TENM2: variants seen among roughly 807,000 people sequenced by gnomAD.
TENM2 encodes teneurin transmembrane protein 2, also known as teneurin-2.
In TENM2, 52 loss-of-function variants were observed where a neutral mutation model predicts 245.2. The ratio of observed to expected loss-of-function variants is 0.21; its 90% CI spans 0.17 to 0.27. The LOEUF (loss-of-function observed/expected upper bound fraction) is 0.27. Among genes scored for constraint, TENM2 ranks in the 10% least tolerant of loss-of-function variants. The pLI is 1.00. For synonymous variants in TENM2, 1,363 were observed against 1,438.9 expected (o/e 0.95, Z 1.19); for missense variants, 3,046 against 3,666.8 (o/e 0.83, Z 4.37).
chr5:168,063,804 G>A (rs1790263381), intron 7 of TENM2, among the ~76,000 whole-genome samples: 1 of 152,058 alleles, frequency 6.6e-6, no homozygotes, highest in African/African-American at 2.4e-5. Context: ...AAACTGATTT[G>A]CAATCCCATC....
the TENM2 span, among the ~76,000 whole-genome samples, chr5:167,226,104 CTT>C: frequency 6.6e-6 from 1 of 151,828 alleles, no homozygotes; most frequent in African/African-American, 2.4e-5. Context: ...TTTCAAAAAA[CTT>C]TTCACTTTTT....
At chr5:167,522,753 G>C (rs912458487) in intron 2 of TENM2, among the ~76,000 whole-genome samples, 1 of 151,846 alleles carries the variant, frequency 6.6e-6, no homozygotes, top group Non-Finnish European at 1.5e-5. Flanking sequence ...CCTGGGAGAT[G>C]GTAGCTATTA....
At chr5:167,710,336 G>A (rs189842455) in intron 2 of TENM2, among the ~76,000 whole-genome samples, 1 of 137,416 alleles carries the variant, frequency 7.3e-6, no homozygotes, top group Non-Finnish European at 1.5e-5. Context: ...AGTGACTTTC[G>A]ATTTCATGGG....
chr5:167,489,083 A>G (rs1768269394), intron 2 of TENM2, among the ~76,000 whole-genome samples: 1 of 152,352 alleles, frequency 6.6e-6, no homozygotes, highest in African/African-American at 2.4e-5. Flanking sequence ...CCCCTGGGTC[A>G]TCGCATTGGC....
chr5:167,562,113 G>A (rs538903848), intron 2 of TENM2, among the ~76,000 whole-genome samples: 5 of 152,310 alleles, frequency 3.3e-5, no homozygotes, highest in African/African-American at 1.2e-4. Flanking sequence ...GTGAGTTAGT[G>A]AGTGCTCCCA....
intron 2 of TENM2, among the ~76,000 whole-genome samples, chr5:167,561,367 T>C (rs1014591637): frequency 8.5e-5 from 13 of 152,206 alleles, no homozygotes; most frequent in African/African-American, 3.1e-4. Context: ...AAGGTCATTG[T>C]ATAAATAACA....
At chr5:167,215,369 A>G in the TENM2 span, among the ~76,000 whole-genome samples, 5 of 152,200 alleles carry the variant, frequency 3.3e-5, no homozygotes, top group East Asian at 9.6e-4. Flanking sequence ...AATTGAAGAC[A>G]ACTGTTTTAT....
chr5:167,836,973 C>T (rs1401628630), intron 2 of TENM2, among the ~76,000 whole-genome samples: 1 of 151,910 alleles, frequency 6.6e-6, no homozygotes, highest in Non-Finnish European at 1.5e-5. Flanking sequence ...AAACTACTGT[C>T]ATTTTCCTGA....
intron 3 of TENM2, among the ~76,000 whole-genome samples, chr5:167,909,337 G>A (rs1041250976): frequency 2.6e-5 from 4 of 152,092 alleles, no homozygotes; most frequent in Admixed American, 2.0e-4. Flanking sequence ...GTTGCATAAT[G>A]TAATCACTTG....
intron 2 of TENM2, among the ~76,000 whole-genome samples, chr5:167,477,371 G>T (rs1767459739): frequency 6.6e-6 from 1 of 150,732 alleles, no homozygotes; most frequent in Non-Finnish European, 1.5e-5. Flanking sequence ...TCAACACAAT[G>T]AAAAAGACAA....
chr5:167,285,398 G>C (rs116578682), intron 1 of TENM2, among the ~76,000 whole-genome samples: 1 of 151,996 alleles, frequency 6.6e-6, no homozygotes. Flanking sequence ...ATAATAATAC[G>C]CCCTTTTCCC....
At chr5:168,076,178 A>T (rs998779805) in intron 7 of TENM2, among the ~76,000 whole-genome samples, 7 of 232 alleles carry the variant, frequency 0.03, no homozygotes, top group African/African-American at 0.04. Context: ...CTTTATTTTT[A>T]TTTTATTTTA....
intron 2 of TENM2, among the ~76,000 whole-genome samples, chr5:167,402,087 C>G (rs1469756373): frequency 4.6e-5 from 7 of 152,014 alleles, no homozygotes; most frequent in Non-Finnish European, 1.5e-5. Flanking sequence ...ATAAGAGAAG[C>G]AGTTGGTTTT....
chr5:167,232,835 C>T, the TENM2 span, among the ~76,000 whole-genome samples: 1 of 152,212 alleles, frequency 6.6e-6, no homozygotes, highest in Non-Finnish European at 1.5e-5. Flanking sequence ...AGAGAGTTTT[C>T]AAGTTGCCTT....
intron 2 of TENM2, among the ~76,000 whole-genome samples, chr5:167,589,785 T>G (rs972621039): frequency 3.3e-5 from 5 of 151,948 alleles, no homozygotes; most frequent in African/African-American, 7.2e-5. Flanking sequence ...ACTCAAAAAC[T>G]TTACATTAAT....
chr5:168,162,450 G>A (rs2152451579), intron 12 of TENM2, among the ~76,000 whole-genome samples, 161 bp from the exon 15 acceptor site: 1 of 152,330 alleles, frequency 6.6e-6, no homozygotes, highest in African/African-American at 2.4e-5. Flanking sequence ...GCTACTGCAT[G>A]CGTTGCCTGC....
chr5:167,041,998 C>T, the TENM2 span, among the ~76,000 whole-genome samples: 8 of 152,168 alleles, frequency 5.3e-5, no homozygotes, highest in Admixed American at 2.6e-4. Context: ...ATTTGTCTGT[C>T]TGACCTCCTG....
At chr5:167,582,899 C>T (rs1273550407) in intron 2 of TENM2, among the ~76,000 whole-genome samples, 4 of 151,988 alleles carry the variant, frequency 2.6e-5, no homozygotes, top group African/African-American at 4.8e-5. Context: ...ATGATTTATA[C>T]GTTGTAATTT....
the TENM2 span, among the ~76,000 whole-genome samples, chr5:167,206,499 G>A: frequency 6.6e-6 from 1 of 152,092 alleles, no homozygotes; most frequent in Non-Finnish European, 1.5e-5. Flanking sequence ...GATACCTCAG[G>A]CAGGACATAT....
Sources: gnomAD v4.1 joint callset for allele counts (sites outside exome capture counted in the v4.1 genomes callset) on GRCh38, gnomAD v4.1.1 for gene constraint, MANE v1.5 for transcripts, NCBI Gene and HGNC (gene_info 2026-07-23, HGNC 2026-07-21) for gene names.